Variants in EYS observed in about 807,000 individuals in gnomAD.
EYS encodes the protein protein eyes shut homolog.
EYS carries 250 observed loss-of-function variants against 282.1 expected under a neutral mutation model. The observed-to-expected ratio is 0.89, with a 90% confidence interval of 0.80 to 0.98. The LOEUF (loss-of-function observed/expected upper bound fraction) is 0.98. Among genes scored for constraint, EYS ranks in the 50% least tolerant of loss-of-function variants. The pLI, the probability that EYS is intolerant of heterozygous loss-of-function variation, is 0.00. For missense variants in EYS, 4,016 were observed against 3,709.0 expected (o/e 1.08, Z -2.15); for synonymous variants, 1,355 against 1,282.9 (o/e 1.06, Z -1.20).
chr6:65,125,190 T>A (rs1018140260), intron 12 of EYS, among the ~76,000 whole-genome samples: 1 of 152,228 alleles, frequency 6.6e-6, no homozygotes, highest in South Asian at 2.1e-4. Flanking sequence ...ACACTGTTGT[T>A]GGCTTAATTC....
chr6:64,403,662 G>A (rs910862516), intron 28 of EYS, among the ~76,000 whole-genome samples: 10 of 151,890 alleles, frequency 6.6e-5, no homozygotes, highest in African/African-American at 2.4e-4. Flanking sequence ...CACCCTGAAA[G>A]TAACTTTTAA....
intron 15 of EYS, among the ~76,000 whole-genome samples, chr6:64,937,516 G>T (rs1037345815): frequency 6.6e-6 from 1 of 151,522 alleles, no homozygotes; most frequent in Non-Finnish European, 1.5e-5. Context: ...AGATACACGA[G>T]GTCAGAAAGC....
chr6:63,940,196 C>T (rs1765190870), intron 35 of EYS, among the ~76,000 whole-genome samples: 1 of 151,900 alleles, frequency 6.6e-6, no homozygotes, highest in Non-Finnish European at 1.5e-5. Context: ...TCCCAAGAAG[C>T]AGAGAAAAGT....
intron 14 of EYS, among the ~76,000 whole-genome samples, chr6:64,968,348 A>G (rs116546757): frequency 0.016 from 2,397 of 152,206 alleles, 64 homozygotes; most frequent in African/African-American, 0.054. Flanking sequence ...GCAATTTTAT[A>G]TTTTCAAAAC....
intron 33 of EYS, among the ~76,000 whole-genome samples, chr6:64,056,520 G>A (rs934300820): frequency 2.0e-5 from 3 of 152,132 alleles, no homozygotes; most frequent in African/African-American, 7.2e-5. Context: ...ACACCAAACT[G>A]GAACTGTGTT....
At chr6:64,605,654 G>A (rs1219176466) in intron 24 of EYS, among the ~76,000 whole-genome samples, 1 of 151,598 alleles carries the variant, frequency 6.6e-6, no homozygotes, top group African/African-American at 2.4e-5. Context: ...TGACTCACCA[G>A]TCCTAGAAAC....
Position 64,976,548 on chromosome 6 carries a change from G to C in EYS, c.2259+21034C>G, listed in dbSNP as rs570985753. ...TAACTTTACATGGCAGTAGGAAAGAGAGGACTCCCCCTTTTATAAAAGCAG... is the reference window on the plus strand; with the variant it reads ...TAACTTTACATGGCAGTAGGAAAGACAGGACTCCCCCTTTTATAAAAGCAG... On this transcript the variant is annotated intron_variant, in intron 14 of 42. Coordinates refer to ENST00000503581, the MANE Select transcript of EYS (RefSeq NM_001142800.2). Among the ~76,000 whole-genome samples the C allele has an allele frequency of 4.6e-5, 7 of 152,020 alleles. No homozygotes were observed. The South Asian group carries it at 1.5e-3, about 32-fold the overall frequency.
intron 11 of EYS, among the ~76,000 whole-genome samples, chr6:65,325,374 T>C (rs1215575377): frequency 6.6e-6 from 1 of 152,206 alleles, no homozygotes; most frequent in Non-Finnish European, 1.5e-5. Flanking sequence ...ATACCTACAC[T>C]GTCTCATTTC....
chr6:65,610,276 T>C (rs1012842414), intron 2 of EYS, among the ~76,000 whole-genome samples: 3 of 152,032 alleles, frequency 2.0e-5, no homozygotes, highest in African/African-American at 4.8e-5. Context: ...GTTCTTTTTT[T>C]CCCCCTTTTT....
intron 24 of EYS, among the ~76,000 whole-genome samples, chr6:64,610,757 G>T (rs1162801260): frequency 1.3e-5 from 2 of 151,942 alleles, no homozygotes; most frequent in African/African-American, 4.8e-5. Flanking sequence ...AAAATGTAAG[G>T]CAACTTATTT....
rs566456819 is a variant in EYS, at chr6:65,580,604, TATTAATG to T, written c.-333+59167_-333+59173del. 2.0e-3 allele frequency among the ~76,000 whole-genome samples: 311 copies of T among 152,208 alleles called. 3 individuals are homozygous for T. The highest frequency in any genetic ancestry group is 0.01 in the Middle Eastern group (3 of 294). The stretch of plus-strand genomic sequence containing the variant: ...TACACATTGCATTCTTTGAAGCAAT[TATTAATG>T]ATTAATACTTTACTCTGTGCTGTTA... On this transcript the variant is annotated intron_variant, in intron 2 of 42. Coordinates refer to ENST00000503581, the MANE Select transcript of EYS (RefSeq NM_001142800.2).
intron 12 of EYS, among the ~76,000 whole-genome samples, chr6:65,236,556 C>T (rs1008743171): frequency 6.6e-6 from 1 of 151,846 alleles, no homozygotes; most frequent in African/African-American, 2.4e-5. Context: ...TGCAGTGAGC[C>T]GAGATTGCAC....
intron 35 of EYS, among the ~76,000 whole-genome samples, chr6:63,885,228 C>T (rs192881708): frequency 6.6e-6 from 1 of 151,888 alleles, no homozygotes; most frequent in Admixed American, 6.6e-5. Flanking sequence ...AGGGTAGATC[C>T]CAATTACTGG....
At chr6:64,836,642 T>C (rs976852929) in intron 19 of EYS, among the ~76,000 whole-genome samples, 1 of 151,576 alleles carries the variant, frequency 6.6e-6, no homozygotes, top group Non-Finnish European at 1.5e-5. Context: ...AAAATAGCAA[T>C]ATCCAGTAGC....
chr6:64,159,570 A>G lies in EYS; in HGVS notation c.6424+71022T>C, dbSNP rs996469854. 2.0e-5 allele frequency among the ~76,000 whole-genome samples: 3 copies of G among 150,726 alleles called. No homozygotes were observed. The East Asian group carries it at 5.8e-4, about 29-fold the overall frequency. ...GCGAGACTCTGTCTTAAAAAAAAAA[A>G]AAAAAAAAAAAAAAAAAGTTTATAC... is the stretch of plus-strand genomic sequence containing the variant. On this transcript the variant is annotated intron_variant, in intron 31 of 42. Transcript: ENST00000503581.
intron 31 of EYS, among the ~76,000 whole-genome samples, chr6:64,103,025 G>A (rs1306329020): frequency 2.6e-5 from 4 of 152,076 alleles, no homozygotes; most frequent in African/African-American, 7.2e-5. Flanking sequence ...GTAGCATGGT[G>A]TAGAAGAAAG....
At chr6:65,265,123 A>C (rs1413966372) in intron 12 of EYS, among the ~76,000 whole-genome samples, 1 of 151,984 alleles carries the variant, frequency 6.6e-6, no homozygotes, top group Non-Finnish European at 1.5e-5. Flanking sequence ...GCAAGGGTTG[A>C]AAAACTAATT....
chr6:65,309,831 C>T (rs181702900), intron 11 of EYS, among the ~76,000 whole-genome samples: 1 of 152,222 alleles, frequency 6.6e-6, no homozygotes, highest in East Asian at 1.9e-4. Context: ...TACTTTCAAA[C>T]AGACGTGACT....
Position 64,945,780 on chromosome 6 carries a change from A to G in EYS, c.2381+13T>C. ...AGTAATTTCATGAAGAAAGCTAAAA[A>G]TATGTTACTCACCGATAGCTTTTGT... On this transcript the variant is annotated intron_variant, in intron 15 of 42. Coordinates refer to ENST00000503581, the MANE Select transcript of EYS (RefSeq NM_001142800.2). 6.5e-7 allele frequency: 1 copy of G among 1,548,470 alleles called. No individual in the cohort carries two copies. Among genetic ancestry groups the G allele is most frequent in the Non-Finnish European group, 8.7e-7 (1 of 1,144,940 alleles).
Sources: gnomAD v4.1 joint callset for allele counts (sites outside exome capture counted in the v4.1 genomes callset) on GRCh38, gnomAD v4.1.1 for gene constraint, MANE v1.5 for transcripts, NCBI Gene and HGNC (gene_info 2026-07-23, HGNC 2026-07-21) for gene names.